Variants in DNAH6 observed in about 807,000 individuals in gnomAD.
DNAH6 encodes the protein dynein axonemal heavy chain 6, also known as axonemal beta dynein heavy chain 6.
DNAH6 carries 340 observed loss-of-function variants against 491.4 expected under a neutral mutation model. The ratio of observed to expected loss-of-function variants is 0.69; its 90% CI spans 0.63 to 0.76. DNAH6 has a LOEUF of 0.76. Ranked by LOEUF, DNAH6 falls within the 30% of genes least tolerant of loss-of-function variation. The pLI is 0.00. For synonymous variants in DNAH6, 1,603 were observed against 1,686.1 expected, an observed-to-expected ratio of 0.95 and a Z score of 1.21; for missense variants, 4,443 against 4,972.2, an observed-to-expected ratio of 0.89 and a Z score of 3.20.
In DNAH6 at chr2:84,709,349, G is replaced by A; in HGVS notation, c.9055G>A (p.Glu3019Lys). 6.4e-7 allele frequency: 1 copy of A among 1,551,644 alleles called. No homozygotes were observed. Among genetic ancestry groups the A allele is most frequent in the Non-Finnish European group, 8.7e-7 (1 of 1,146,986 alleles). ...AGCTTTCCCCCTTCTACAGCTTATA[G>A]AGTGTTGGATCCAGGACTGTCAGTC... ...FTAQYRQSLI[E>K]CWIQDCQSLE... Residue 3019 changes from glutamate to lysine, a missense_variant, in exon 55 of 77, where the codon GAG becomes AAG. By Grantham distance (56) the Glu-to-Lys change is moderately conservative (BLOSUM62 1). This residue lies in a region of DNAH6 where 1,463 missense variants were observed against 1,656.6 expected (regional missense o/e 0.88). Coordinates refer to ENST00000389394, the MANE Select transcript of DNAH6 (RefSeq NM_001370.2).
At chr2:84,727,995 T>C (rs1698798260) in intron 61 of DNAH6, 93 bp downstream of exon 61, 1 of 789,980 alleles carries the variant, frequency 1.3e-6, no homozygotes, top group Admixed American at 2.2e-5. Flanking sequence ...AATTCCCATG[T>C]GCTGTAGGAT....
chr2:84,640,692 G>A (rs1689308248), intron 32 of DNAH6, 114 bp downstream of exon 32: 5 of 1,035,198 alleles, frequency 4.8e-6, no homozygotes, highest in Non-Finnish European at 6.9e-6. Flanking sequence ...GTTGGCTGCT[G>A]CTGTTGTCAT....
chr2:84,530,810 G>A lies in DNAH6; in HGVS notation c.662+1644G>A, dbSNP rs142684267. 3.1e-3 allele frequency among the ~76,000 whole-genome samples: 465 copies of A among 152,276 alleles called. 1 individual carries two copies. The highest frequency in any genetic ancestry group is 0.027 in the Middle Eastern group (8 of 294). Reference sequence around the variant, plus strand: ...TTGTGTAGGGTAGACAACCAGAAAGGAGTACAGGATGAGTTTAATGATCCA... The same window carrying A: ...TTGTGTAGGGTAGACAACCAGAAAGAAGTACAGGATGAGTTTAATGATCCA... On this transcript the variant is annotated intron_variant, in intron 4 of 76. Coordinates refer to ENST00000389394, the MANE Select transcript of DNAH6 (RefSeq NM_001370.2).
At position 84,784,571 on chromosome 2, in the gene DNAH6, A is replaced by G. The variant is rs1676998102; in HGVS notation, c.10865-151A>G. ...ATGCATCTTACTCCCATTTTGAAAC[A>G]GTTTACACTATACTTGTAATAGATT... On this transcript the variant is annotated intron_variant, in intron 65 of 76. Coordinates refer to ENST00000389394, the MANE Select transcript of DNAH6 (RefSeq NM_001370.2). 3 of 584,566 alleles carry G rather than the reference A, an allele frequency of 5.1e-6. No homozygotes were observed. The Admixed American group carries it at 9.5e-5, about 18-fold the overall frequency. The allele number at this position is 584,566 out of a possible 1,614,324, so 36.2% of individuals were successfully genotyped here.
chr2:84,495,096 G>A, the DNAH6 span, among the ~76,000 whole-genome samples: 1 of 152,218 alleles, frequency 6.6e-6, no homozygotes, highest in Non-Finnish European at 1.5e-5. Context: ...CATATGATGT[G>A]TGGCCTGGGC....
intron 33 of DNAH6, among the ~76,000 whole-genome samples, chr2:84,650,268 C>T (rs1243270108): frequency 6.6e-6 from 1 of 152,096 alleles, no homozygotes; most frequent in Non-Finnish European, 1.5e-5. Flanking sequence ...ATTTGAGACT[C>T]CAGTGACACA....
Position 84,796,360 on chromosome 2 carries a change from G to A in DNAH6, c.11294G>A (p.Arg3765His), listed in dbSNP as rs779337091. ...GACAGCTGGGACCAAAGATGCCTTCGTACTATCTTGAAAAGATTTTTTTCT... is the reference window on the plus strand; with the variant it reads ...GACAGCTGGGACCAAAGATGCCTTCATACTATCTTGAAAAGATTTTTTTCT... ...VTDSWDQRCL[R>H]TILKRFFSPE... Residue 3765 changes from arginine (R) to histidine (H), a missense_variant, in exon 69 of 77, where the codon CGT (arginine) becomes CAT (histidine). By Grantham distance (29) the Arg-to-His change is conservative. Transcript: ENST00000389394. 8 of 1,523,808 alleles carry A rather than the reference G, an allele frequency of 5.3e-6. No individual in the cohort carries two copies. The highest frequency in any genetic ancestry group is 3.8e-5 in the South Asian group (3 of 79,836). 94.4% of individuals were successfully genotyped at this position (1,523,808 alleles called of 1,614,324 possible). A position where few individuals can be genotyped will look rare whatever the true frequency, so the allele number is the denominator to read the frequency against.
chr2:84,800,585 T>G (rs1405411521), intron 70 of DNAH6, among the ~76,000 whole-genome samples: 1 of 151,936 alleles, frequency 6.6e-6, no homozygotes, highest in Non-Finnish European at 1.5e-5. Flanking sequence ...AAATTGAAAA[T>G]CTCACTACGG....
intron 3 of DNAH6, 150 bp downstream of exon 3, chr2:84,525,888 T>C (rs780168388): frequency 1.5e-6 from 1 of 659,084 alleles, no homozygotes; most frequent in Non-Finnish European, 2.5e-6. Context: ...TTCTTCATCC[T>C]ATTTAAGGAA....
At position 84,621,268 on chromosome 2, in the gene DNAH6, A is replaced by T. The variant is rs1437378242; in HGVS notation, c.3870A>T (p.Thr1290=). 1.9e-6 allele frequency: 3 copies of T among 1,551,644 alleles called. No homozygotes were observed. Among genetic ancestry groups the T allele is most frequent in the Non-Finnish European group, 2.6e-6 (3 of 1,146,922 alleles). The change falls in exon 25 of 77, where the codon ACA becomes ACT. Residue 1290 remains threonine (T), a synonymous_variant. Coordinates refer to ENST00000389394, the MANE Select transcript of DNAH6 (RefSeq NM_001370.2). ...GTAAAGTGGAAGAAGCCATGTTCACATCTCTGCGTCGCCTGTGCAAAGCTG... is the reference window on the plus strand; with the variant it reads ...GTAAAGTGGAAGAAGCCATGTTCACTTCTCTGCGTCGCCTGTGCAAAGCTG... ...WLGKVEEAMF[T]SLRRLCKAAI... is the part of the protein sequence containing the mutation.
the DNAH6 span, among the ~76,000 whole-genome samples, chr2:84,481,487 G>A: frequency 6.6e-6 from 1 of 152,170 alleles, no homozygotes; most frequent in Non-Finnish European, 1.5e-5. Flanking sequence ...AATACACATG[G>A]ACTTCACCAT....
chr2:84,803,597 T>C (rs953721894), intron 70 of DNAH6, among the ~76,000 whole-genome samples: 3 of 148,390 alleles, frequency 2.0e-5, no homozygotes, highest in African/African-American at 7.3e-5. Context: ...AAAAAAACAT[T>C]ATGAATAATT....
intron 22 of DNAH6, 118 bp downstream of exon 22, chr2:84,611,972 T>C (rs529840704): frequency 3.8e-4 from 330 of 874,072 alleles, no homozygotes; most frequent in Non-Finnish European, 5.4e-4. Flanking sequence ...ATTCAACCCT[T>C]GATTCTAGTC....
the DNAH6 span, among the ~76,000 whole-genome samples, chr2:84,508,156 T>C: frequency 1.3e-5 from 2 of 152,232 alleles, no homozygotes; most frequent in African/African-American, 4.8e-5. Context: ...CAGCTCCTCC[T>C]TGTACCTCTA....
At chr2:84,734,644 A>G (rs912137714) in intron 62 of DNAH6, among the ~76,000 whole-genome samples, 17 of 152,254 alleles carry the variant, frequency 1.1e-4, no homozygotes, top group East Asian at 1.9e-4. Context: ...CAAACTTACT[A>G]ATTGTGGTAT....
At chr2:84,513,847 G>A (rs1444473639), upstream of DNAH6, among the ~76,000 whole-genome samples, 1 of 152,002 alleles carries the variant, frequency 6.6e-6, no homozygotes, top group African/African-American at 2.4e-5. Flanking sequence ...TAAATTCCTG[G>A]GGGAGACTAT....
intron 59 of DNAH6, among the ~76,000 whole-genome samples, chr2:84,719,087 C>T (rs529257679): frequency 5.3e-5 from 8 of 152,250 alleles, no homozygotes; most frequent in African/African-American, 1.9e-4. Flanking sequence ...GAAAAAAAAT[C>T]CCCTTGACTT....
intron 24 of DNAH6, among the ~76,000 whole-genome samples, chr2:84,620,866 G>A (rs1019526999): frequency 6.6e-6 from 1 of 152,204 alleles, no homozygotes; most frequent in Admixed American, 6.5e-5. Flanking sequence ...TTTCAGTTGG[G>A]AGGACATGGG....
chr2:84,757,022 C>T (rs566711517), intron 63 of DNAH6, among the ~76,000 whole-genome samples: 1 of 152,158 alleles, frequency 6.6e-6, no homozygotes, highest in African/African-American at 2.4e-5. Flanking sequence ...CTCTAATGAT[C>T]CCGCAATCCA....
Sources: gnomAD v4.1 joint callset for allele counts (sites outside exome capture counted in the v4.1 genomes callset) on GRCh38, gnomAD v4.1.1 for gene constraint, gnomAD v4.1.1 regional missense constraint, MANE v1.5 for transcripts, NCBI Gene and HGNC (gene_info 2026-07-23, HGNC 2026-07-21) for gene names.